Variants in IL7 observed in about 807,000 individuals in gnomAD.
IL7 encodes the protein interleukin 7, also known as interleukin-7.
A neutral mutation model predicts 21.6 loss-of-function variants in IL7; 3 were observed. That is an observed-to-expected ratio of 0.14 (90% confidence interval 0.06 to 0.36). IL7 has a LOEUF of 0.36. Among genes scored for constraint, IL7 ranks in the 10% least tolerant of loss-of-function variants. The pLI, the probability that IL7 is intolerant of heterozygous loss-of-function variation, is 1.00. For synonymous variants in IL7, 62 were observed against 68.1 expected (o/e 0.91, Z 0.44); for missense variants, 175 against 200.2 (o/e 0.87, Z 0.76).
chr8:78,701,683 T>G (rs1563634634), intron 3 of IL7, among the ~76,000 whole-genome samples: 1 of 152,236 alleles, frequency 6.6e-6, no homozygotes, highest in Non-Finnish European at 1.5e-5. Flanking sequence ...CCTAGTTTAT[T>G]GAGAGTTTTT....
At chr8:78,769,558 A>G (rs796339600) in intron 2 of IL7, among the ~76,000 whole-genome samples, 5 of 152,100 alleles carry the variant, frequency 3.3e-5, no homozygotes, top group Non-Finnish European at 5.9e-5. Context: ...TGGAAGAACA[A>G]TCCATGCTCA....
chr8:78,694,737 T>TTCATTAG (rs1810343200), intron 3 of IL7, among the ~76,000 whole-genome samples: 1 of 152,172 alleles, frequency 6.6e-6, no homozygotes, highest in African/African-American at 2.4e-5. Context: ...TTTTTCCAAT[T>TTCATTAG]TCATTAGTCA....
At chr8:78,761,275 G>T in intron 2 of IL7, 1 of 1,608,802 alleles carries the variant, frequency 6.2e-7, no homozygotes, top group Non-Finnish European at 8.5e-7. Context: ...AAACTTCCTC[G>T]ATTGTTCCTA....
At chr8:78,787,222 CA>C (rs1813542530) in intron 2 of IL7, among the ~76,000 whole-genome samples, 1 of 152,084 alleles carries the variant, frequency 6.6e-6, no homozygotes, top group Non-Finnish European at 1.5e-5. Context: ...TGGTCAGAAG[CA>C]CAGGTTAGAC....
At chr8:78,686,098 C>T (rs967927403) in intron 3 of IL7, among the ~76,000 whole-genome samples, 6 of 152,118 alleles carry the variant, frequency 3.9e-5, no homozygotes, top group Non-Finnish European at 8.8e-5. Flanking sequence ...ACCATAATGA[C>T]TTAATCACCT....
At chr8:78,738,732 G>T in intron 3 of IL7, 97 bp from the exon 4 acceptor site, 1 of 1,102,110 alleles carries the variant, frequency 9.1e-7, no homozygotes, top group Non-Finnish European at 1.3e-6. Context: ...TATGTTGCTA[G>T]GTAATGCCCC....
chr8:78,802,325 CACT>C (rs1814092816), intron 1 of IL7, among the ~76,000 whole-genome samples: 1 of 152,146 alleles, frequency 6.6e-6, no homozygotes, highest in African/African-American at 2.4e-5. Context: ...ATTCCATAAC[CACT>C]TCATGAAGAA....
chr8:78,762,416 C>T (rs1264145922), intron 2 of IL7: 3 of 1,607,024 alleles, frequency 1.9e-6, no homozygotes, highest in African/African-American at 2.7e-5. Flanking sequence ...TTGGCGGCAG[C>T]GCAGAAGTTC....
Position 78,738,645 on chromosome 8 carries a change from G to T in IL7, c.229-10C>A. ...ATAAAAACATACCTTCCTATTATAGGAAAAAGTCAGAAGGGCCATGGTTCA... is the reference window on the plus strand; with the variant it reads ...ATAAAAACATACCTTCCTATTATAGTAAAAAGTCAGAAGGGCCATGGTTCA... On this transcript the variant is annotated splice_polypyrimidine_tract_variant and intron_variant, in intron 3 of 5. Transcript: ENST00000263851. 1 of 1,609,330 alleles carries T rather than the reference G, an allele frequency of 6.2e-7. No individual in the cohort carries two copies. Among genetic ancestry groups the T allele is most frequent in the South Asian group, 1.1e-5 (1 of 90,264 alleles).
chr8:78,759,240 A>G (rs916348105), intron 2 of IL7, among the ~76,000 whole-genome samples: 2 of 150,848 alleles, frequency 1.3e-5, no homozygotes, highest in African/African-American at 4.9e-5. Flanking sequence ...GCTTTAAACA[A>G]AACTCACATT....
chr8:78,799,849 T>C (rs1813992135), intron 1 of IL7, among the ~76,000 whole-genome samples: 1 of 152,176 alleles, frequency 6.6e-6, no homozygotes, highest in South Asian at 2.1e-4. Context: ...CTTCTACTCC[T>C]GTTCCTTCAA....
chr8:78,794,525 A>G (rs1322778021), intron 2 of IL7, among the ~76,000 whole-genome samples: 1 of 152,090 alleles, frequency 6.6e-6, no homozygotes, highest in Non-Finnish European at 1.5e-5. Context: ...TCTCTTCTTT[A>G]GCTATGAAAG....
downstream of IL7, among the ~76,000 whole-genome samples, chr8:78,729,150 G>A (rs1811380909): frequency 6.6e-6 from 1 of 151,906 alleles, no homozygotes; most frequent in African/African-American, 2.4e-5. Flanking sequence ...ATTTTCAAAT[G>A]TCTCCTCTTT....
intron 2 of IL7, among the ~76,000 whole-genome samples, chr8:78,777,750 A>C (rs1409016446): frequency 6.6e-6 from 1 of 152,108 alleles, no homozygotes; most frequent in Non-Finnish European, 1.5e-5. Flanking sequence ...AACAGTGCCA[A>C]CTACGAATGC....
intron 2 of IL7, chr8:78,760,935 T>C (rs1812533692): frequency 1.9e-6 from 3 of 1,556,490 alleles, no homozygotes; most frequent in Non-Finnish European, 2.6e-6. Flanking sequence ...TGGAGGTTTT[T>C]CCCAAAGGCT....
chr8:78,715,235 C>A (rs370156121), downstream of IL7: 1 of 1,613,354 alleles, frequency 6.2e-7, no homozygotes, highest in Non-Finnish European at 8.5e-7. Context: ...AATGTCAAAC[C>A]CCGAAATTCC....
intron 1 of IL7, among the ~76,000 whole-genome samples, chr8:78,803,757 T>C (rs1814177323): frequency 6.6e-6 from 1 of 152,182 alleles, no homozygotes. Flanking sequence ...GCTCAATTTT[T>C]AGTTTTGTAT....
At position 78,804,917 on chromosome 8, in the gene IL7, G is replaced by C. The variant is rs775228444; in HGVS notation, c.6C>G (p.Phe2Leu). 6 of 1,612,820 alleles carry C rather than the reference G, an allele frequency of 3.7e-6. No homozygotes were observed. The South Asian group carries it at 6.6e-5, about 18-fold the overall frequency. Residue 2 changes from phenylalanine to leucine, a missense_variant, in exon 1 of 6, where the codon TTC becomes TTG. Phe to Leu is a conservative substitution (Grantham distance 22). Transcript: ENST00000263851. ...GCAAGGGAGAAGAGCGCTTACCATG[G>C]AACATGGTCTGCGGGAGGCGGGCGT... M[F>L]HVSFRYIFGL...
intron 2 of IL7, among the ~76,000 whole-genome samples, chr8:78,743,636 T>G (rs1811875250): frequency 6.6e-6 from 1 of 152,190 alleles, no homozygotes; most frequent in Non-Finnish European, 1.5e-5. Flanking sequence ...GATTAAGTAC[T>G]TCTCTATACT....
Sources: gnomAD v4.1 joint callset for allele counts (sites outside exome capture counted in the v4.1 genomes callset) on GRCh38, gnomAD v4.1.1 for gene constraint, MANE v1.5 for transcripts, NCBI Gene and HGNC (gene_info 2026-07-23, HGNC 2026-07-21) for gene names.